The following ZPBP variants were observed in gnomAD, a reference collection of about 807,000 sequenced individuals.
The protein encoded by ZPBP is zona pellucida binding protein.
A neutral mutation model predicts 44.8 loss-of-function variants in ZPBP; 26 were observed. The observed-to-expected ratio is 0.58, with a 90% CI of 0.43 to 0.81. ZPBP has a LOEUF of 0.81. Among genes scored for constraint, ZPBP ranks in the 30% least tolerant of loss-of-function variants. ZPBP has a pLI of 0.00. For missense variants in ZPBP, 409 were observed against 434.0 expected (o/e 0.94, Z 0.51); for synonymous variants, 174 against 153.2 (o/e 1.14, Z -1.00).
chr7:50,056,046 AAATATCATC>A (rs1484443105), intron 4 of ZPBP: 1 of 152,238 alleles, frequency 6.6e-6, no homozygotes, highest in African/African-American at 2.4e-5. Flanking sequence ...TGATTAACCA[AAATATCATC>A]AAGAAACCAC....
intron 2 of ZPBP, among the ~76,000 whole-genome samples, chr7:49,858,015 G>T (rs1037249419): frequency 4.6e-5 from 7 of 152,084 alleles, no homozygotes; most frequent in Non-Finnish European, 8.8e-5. Flanking sequence ...CTGTAACCTC[G>T]TGTCAATGAA....
At chr7:49,993,964 A>G (rs1292589967) in intron 6 of ZPBP, among the ~76,000 whole-genome samples, 1 of 152,192 alleles carries the variant, frequency 6.6e-6, no homozygotes, top group East Asian at 1.9e-4. Flanking sequence ...GAACATTCAC[A>G]TGAGACACAC....
At chr7:49,911,334 T>A (rs1793410994) in intron 1 of ZPBP, among the ~76,000 whole-genome samples, 1 of 151,660 alleles carries the variant, frequency 6.6e-6, no homozygotes, top group Non-Finnish European at 1.5e-5. Flanking sequence ...ATACAAAAAT[T>A]AGCTGGGTGT....
downstream of ZPBP, among the ~76,000 whole-genome samples, chr7:49,848,634 A>G (rs551981849): frequency 6.6e-6 from 1 of 152,324 alleles, no homozygotes; most frequent in African/African-American, 2.4e-5. Context: ...AAATCATGTC[A>G]AAAATATGTG....
intron 4 of ZPBP, among the ~76,000 whole-genome samples, chr7:50,040,926 A>G (rs1800057809): frequency 6.6e-6 from 1 of 152,160 alleles, no homozygotes; most frequent in South Asian, 2.1e-4. Context: ...TCTCGCTGCC[A>G]GCACAGCTGT....
chr7:50,018,825 A>G (rs1166445411), intron 5 of ZPBP, among the ~76,000 whole-genome samples: 2 of 152,030 alleles, frequency 1.3e-5, no homozygotes, highest in African/African-American at 2.4e-5. Flanking sequence ...ACATTCAGAC[A>G]TACATTCATT....
chr7:50,038,923 TAA>T (rs924861999), intron 4 of ZPBP, among the ~76,000 whole-genome samples: 7 of 152,208 alleles, frequency 4.6e-5, no homozygotes, highest in African/African-American at 1.7e-4. Flanking sequence ...TTTGTATAAG[TAA>T]ACTCTATGAC....
intron 6 of ZPBP, among the ~76,000 whole-genome samples, chr7:49,987,197 G>A (rs180686589): frequency 3.9e-5 from 6 of 152,246 alleles, no homozygotes; most frequent in Admixed American, 1.3e-4. Context: ...GTTTGGCATG[G>A]ATAAAGTCAG....
intron 7 of ZPBP, among the ~76,000 whole-genome samples, chr7:49,965,965 C>A (rs73349154): frequency 0.013 from 1,902 of 152,034 alleles, 46 homozygotes; most frequent in African/African-American, 0.043. Context: ...AAGAAAGCTG[C>A]AGTGACAATA....
chr7:49,980,309 AT>A (rs71018438), intron 7 of ZPBP, among the ~76,000 whole-genome samples: 64,917 of 127,946 alleles, frequency 0.51, 17,317 homozygotes, highest in East Asian at 0.7. Flanking sequence ...TATATATAAT[AT>A]AAATATATAA....
chr7:50,063,417 G>A (rs1281791135), intron 3 of ZPBP, among the ~76,000 whole-genome samples: 9 of 152,192 alleles, frequency 5.9e-5, no homozygotes, highest in Admixed American at 2.0e-4. Context: ...TCTTCTACTG[G>A]CAGCAGCTGA....
intron 2 of ZPBP, among the ~76,000 whole-genome samples, chr7:49,897,064 T>G (rs1488794056): frequency 6.6e-6 from 1 of 151,818 alleles, no homozygotes; most frequent in Non-Finnish European, 1.5e-5. Flanking sequence ...CCCGGCTAAT[T>G]TTTTGTATTT....
At chr7:49,981,374 T>TATTTATTTTATA (rs71018440) in intron 7 of ZPBP, among the ~76,000 whole-genome samples, 2 of 3,970 alleles carry the variant, frequency 5.0e-4, no homozygotes, top group South Asian at 0.019. Flanking sequence ...TAATTATATA[T>TATTTATTTTATA]ATTATATATA....
intron 6 of ZPBP, among the ~76,000 whole-genome samples, chr7:49,986,958 C>A (rs1198438208): frequency 6.6e-6 from 1 of 152,128 alleles, no homozygotes; most frequent in Non-Finnish European, 1.5e-5. Flanking sequence ...TGTTTTATGT[C>A]CTTGGAAGCA....
At chr7:50,015,213 A>C (rs531121893) in intron 6 of ZPBP, among the ~76,000 whole-genome samples, 17 of 152,212 alleles carry the variant, frequency 1.1e-4, no homozygotes, top group African/African-American at 3.8e-4. Context: ...TTTCCATGGG[A>C]CAGGAAAAGT....
chr7:50,033,678 G>GTTTCTTTATTTA (rs143206693), intron 4 of ZPBP, among the ~76,000 whole-genome samples: 1 of 148,714 alleles, frequency 6.7e-6, no homozygotes, highest in Admixed American at 6.7e-5. Flanking sequence ...TCTTTCTACA[G>GTTTCTTTATTTA]TTTATTTATT....
At chr7:50,027,236 C>A (rs1267110311) in intron 5 of ZPBP, among the ~76,000 whole-genome samples, 2 of 152,010 alleles carry the variant, frequency 1.3e-5, no homozygotes, top group East Asian at 3.9e-4. Flanking sequence ...TCTCTTCTTT[C>A]TACTATTTAG....
chr7:50,078,822 G>A (rs1802228187), intron 3 of ZPBP, among the ~76,000 whole-genome samples: 2 of 151,344 alleles, frequency 1.3e-5, no homozygotes, highest in South Asian at 4.2e-4. Flanking sequence ...CTCCCATGAA[G>A]TCTAATAACC....
At chr7:49,935,556 G>A (rs1246675739), downstream of ZPBP, among the ~76,000 whole-genome samples, 8 of 151,942 alleles carry the variant, frequency 5.3e-5, no homozygotes, top group African/African-American at 9.7e-5. Context: ...ACACCACCAC[G>A]CCCGGCTAAT....
Sources: allele counts gnomAD v4.1 joint callset (sites outside exome capture counted in the v4.1 genomes callset), GRCh38; gene constraint gnomAD v4.1.1; transcripts MANE v1.5; gene names NCBI Gene and HGNC (gene_info 2026-07-23, HGNC 2026-07-21).